P3H2: variants seen among roughly 807,000 people sequenced by gnomAD.
The protein encoded by P3H2 is prolyl 3-hydroxylase 2.
P3H2 carries 80 observed loss-of-function variants against 87.0 expected under a neutral mutation model. The ratio of observed to expected loss-of-function variants is 0.92; its 90% confidence interval spans 0.77 to 1.11. The LOEUF (loss-of-function observed/expected upper bound fraction) is 1.11, where lower values mean the gene tolerates loss of function less well. Ranked by LOEUF, P3H2 falls within the 50% of genes least tolerant of loss-of-function variation. The pLI, the probability that P3H2 is intolerant of heterozygous loss-of-function variation, is 0.00. For synonymous variants in P3H2, 367 were observed against 359.3 expected (o/e 1.02, Z -0.24); for missense variants, 1,001 against 923.9 (o/e 1.08, Z -1.08).
At chr3:189,981,817 G>A (rs572795702) in intron 8 of P3H2, among the ~76,000 whole-genome samples, 18 of 152,342 alleles carry the variant, frequency 1.2e-4, no homozygotes, top group African/African-American at 3.4e-4. Flanking sequence ...AAGGCAACAT[G>A]AACTCTGGCT....
rs761981755 is a variant in P3H2, at chr3:189,995,312, T to A, written c.611A>T (p.Asp204Val). 1 of 1,614,150 alleles carries A rather than the reference T, an allele frequency of 6.2e-7. No individual in the cohort carries two copies. The highest frequency in any genetic ancestry group is 1.7e-5 in the Admixed American group (1 of 60,018). Residue 204 changes from aspartate (D) to valine (V), a missense_variant, in exon 2 of 15, where the codon GAC becomes GTC. By Grantham distance (152) the Asp-to-Val change is radical (BLOSUM62 -3). Transcript: ENST00000319332. ...TACCATGTGTGGCTTGGCTTCTCTG[T>A]CTACCAACTGCAATGCTTCAACACC... The part of the protein sequence containing the change: ...TAGVEALQLV[D>V]REAKPHMESY...
At chr3:190,091,071 T>C (rs1160176750) in intron 1 of P3H2, among the ~76,000 whole-genome samples, 1 of 152,196 alleles carries the variant, frequency 6.6e-6, no homozygotes. Context: ...AATATAATGT[T>C]TGTTCTATAA....
intron 1 of P3H2, among the ~76,000 whole-genome samples, chr3:190,014,401 A>G (rs1211957333): frequency 1.3e-5 from 2 of 152,242 alleles, no homozygotes; most frequent in Non-Finnish European, 2.9e-5. Context: ...AAAGGAGCAG[A>G]CACCTAGGAT....
At chr3:189,966,315 A>T (rs1723005412) in intron 13 of P3H2, among the ~76,000 whole-genome samples, 1 of 152,212 alleles carries the variant, frequency 6.6e-6, no homozygotes, top group Non-Finnish European at 1.5e-5. Flanking sequence ...GTGATTACCA[A>T]GTCTTGGTAA....
At chr3:190,102,459 T>C (rs369718786) in intron 1 of P3H2, among the ~76,000 whole-genome samples, 1 of 152,208 alleles carries the variant, frequency 6.6e-6, no homozygotes, top group East Asian at 1.9e-4. Flanking sequence ...TTTCGAGGAA[T>C]TCAAGATTTC....
intron 1 of P3H2, among the ~76,000 whole-genome samples, chr3:190,076,945 C>G (rs1005767941): frequency 6.6e-6 from 1 of 152,186 alleles, no homozygotes; most frequent in African/African-American, 2.4e-5. Context: ...ATTCTAAATG[C>G]TGGTTTACAC....
chr3:190,061,647 A>G (rs189396441), intron 1 of P3H2, among the ~76,000 whole-genome samples: 1 of 152,280 alleles, frequency 6.6e-6, no homozygotes, highest in Non-Finnish European at 1.5e-5. Context: ...TTCACCTGCC[A>G]GTTTCCTGCT....
intron 1 of P3H2, among the ~76,000 whole-genome samples, chr3:190,008,421 T>A (rs554302194): frequency 6.6e-6 from 1 of 152,266 alleles, no homozygotes; most frequent in East Asian, 1.9e-4. Context: ...CTAGTAAGTA[T>A]AGAAGATAAC....
At position 190,065,634 on chromosome 3, in the gene P3H2, A is replaced by T. The variant is rs201132521; in HGVS notation, c.480+54618T>A. Among the ~76,000 whole-genome samples, 45 of 152,200 alleles carry T rather than the reference A, an allele frequency of 3.0e-4. No individual in the cohort carries two copies. The East Asian group carries it at 8.1e-3, about 27-fold the overall frequency. On this transcript the variant is annotated intron_variant, in intron 1 of 14. Transcript: ENST00000319332. ...GTCTTAGTCAATACAGGATTCAAAAAAATATTGTTTGGCCTATTCTGTCAT... is the reference window on the plus strand; with the variant it reads ...GTCTTAGTCAATACAGGATTCAAAATAATATTGTTTGGCCTATTCTGTCAT...
At chr3:190,010,296 C>T (rs1724545748) in intron 1 of P3H2, among the ~76,000 whole-genome samples, 1 of 152,076 alleles carries the variant, frequency 6.6e-6, no homozygotes, top group Non-Finnish European at 1.5e-5. Context: ...ACATGTAATA[C>T]ACCAGAGACC....
At chr3:190,033,831 A>C (rs1725330414) in intron 1 of P3H2, among the ~76,000 whole-genome samples, 1 of 152,184 alleles carries the variant, frequency 6.6e-6, no homozygotes. Context: ...TATTTTTCCA[A>C]CAAAAAATGG....
chr3:189,994,391 G>C (rs1267637051), intron 2 of P3H2, 108 bp from the exon 3 acceptor site: 2 of 862,400 alleles, frequency 2.3e-6, no homozygotes, highest in African/African-American at 3.3e-5. Context: ...CATCTAGGTA[G>C]ATGGGGTACT....
At chr3:190,115,434 A>C (rs56109030) in intron 1 of P3H2, among the ~76,000 whole-genome samples, 15,261 of 151,718 alleles carry the variant, frequency 0.1, 1,360 homozygotes, top group African/African-American at 0.23. Context: ...GGAGAAAAAA[A>C]AAAAAAACCA....
chr3:190,004,118 G>C (rs975614750), intron 1 of P3H2, among the ~76,000 whole-genome samples: 6 of 152,130 alleles, frequency 3.9e-5, no homozygotes, highest in African/African-American at 1.4e-4. Flanking sequence ...CATGACCTCT[G>C]TATTGGTGAG....
At chr3:189,990,502 T>C (rs1394587046) in intron 3 of P3H2, among the ~76,000 whole-genome samples, 1 of 152,210 alleles carries the variant, frequency 6.6e-6, no homozygotes, top group East Asian at 1.9e-4. Flanking sequence ...AATGGAAATA[T>C]TTTTTCAAAG....
intron 1 of P3H2, among the ~76,000 whole-genome samples, chr3:190,103,468 C>T (rs1304687561): frequency 1.3e-5 from 2 of 152,038 alleles, no homozygotes; most frequent in African/African-American, 4.8e-5. Context: ...ATTGGTTTTC[C>T]ATAAATAACA....
intron 1 of P3H2, among the ~76,000 whole-genome samples, chr3:190,065,741 G>A (rs1055663357): frequency 6.6e-6 from 1 of 151,810 alleles, no homozygotes; most frequent in Non-Finnish European, 1.5e-5. Flanking sequence ...AACCATTCTG[G>A]GCTACTGCAA....
intron 8 of P3H2, among the ~76,000 whole-genome samples, chr3:189,982,374 C>G (rs1488008525): frequency 6.6e-6 from 1 of 152,162 alleles, no homozygotes; most frequent in Non-Finnish European, 1.5e-5. Flanking sequence ...GTTAGTATTA[C>G]TATTGCTAAT....
At chr3:190,025,869 A>T (rs925748898) in intron 1 of P3H2, among the ~76,000 whole-genome samples, 3 of 152,180 alleles carry the variant, frequency 2.0e-5, no homozygotes, top group African/African-American at 7.2e-5. Context: ...GGACCAAAAA[A>T]AAATTTTTTT....
Sources: allele counts gnomAD v4.1 joint callset (sites outside exome capture counted in the v4.1 genomes callset), GRCh38; gene constraint gnomAD v4.1.1; transcripts MANE v1.5; gene names NCBI Gene and HGNC (gene_info 2026-07-23, HGNC 2026-07-21).